NRG1: variants seen among roughly 807,000 people sequenced by gnomAD.
The protein encoded by NRG1 is neuregulin 1.
Under a neutral mutation model 63.8 loss-of-function variants are expected in NRG1, and 18 were observed. That is an observed-to-expected ratio of 0.28 (90% CI 0.19 to 0.42). The LOEUF (loss-of-function observed/expected upper bound fraction) is 0.42, where lower values mean the gene tolerates loss of function less well. NRG1 is among the 10% of genes least tolerant of loss of function. The pLI is 1.00. For missense variants in NRG1, 762 were observed against 814.7 expected (o/e 0.94, Z 0.79); for synonymous variants, 302 against 301.3 (o/e 1.00, Z -0.02).
In NRG1 at chr8:31,657,474, T is replaced by A. The variant is rs1011376625; in HGVS notation, c.37+18043T>A. On this transcript the variant is annotated intron_variant, in intron 1 of 10. Transcript: ENST00000519301. ...TTGTAAAATGGGTTGCATATTATAG[T>A]GTGCAAATTCCTGGACTAGACTTCC... is the stretch of plus-strand genomic sequence containing the variant. Among the ~76,000 whole-genome samples the A allele has an allele frequency of 2.0e-5, 3 of 152,172 alleles. No individual in the cohort carries two copies. In the East Asian group the frequency reaches 5.8e-4, roughly 29 times the overall value.
At chr8:31,733,099 A>G (rs1301144505) in intron 1 of NRG1, among the ~76,000 whole-genome samples, 2 of 151,142 alleles carry the variant, frequency 1.3e-5, no homozygotes, top group Non-Finnish European at 2.9e-5. Context: ...AATTAAGACA[A>G]TGGCCTCCAG....
chr8:32,271,740 TG>T (rs1851571955), intron 1 of NRG1, among the ~76,000 whole-genome samples: 1 of 152,144 alleles, frequency 6.6e-6, no homozygotes, highest in Admixed American at 6.6e-5. Context: ...CACCTTGAGC[TG>T]GGGAACTGGT....
At chr8:31,726,622 G>C (rs1813471320) in intron 1 of NRG1, among the ~76,000 whole-genome samples, 1 of 152,092 alleles carries the variant, frequency 6.6e-6, no homozygotes, top group Non-Finnish European at 1.5e-5. Context: ...GATTTATTGG[G>C]GAGTGCTAGA....
At chr8:32,175,066 G>A (rs1195884699) in intron 1 of NRG1, among the ~76,000 whole-genome samples, 6 of 152,198 alleles carry the variant, frequency 3.9e-5, no homozygotes, top group East Asian at 3.9e-4. Flanking sequence ...GATGAACATC[G>A]ATGCAAAAAT....
In NRG1 at chr8:32,389,438, A is replaced by G. The variant is rs139112041; in HGVS notation, c.38-206390A>G. Reference sequence around the variant, plus strand: ...AGAAGATATTTAAATATTTGGCTTCAGTGTGATGGCCTCATTTCTACATAC... The same window carrying G: ...AGAAGATATTTAAATATTTGGCTTCGGTGTGATGGCCTCATTTCTACATAC... On this transcript the variant is annotated intron_variant, in intron 1 of 10. Transcript: ENST00000519301. 1.9e-3 allele frequency among the ~76,000 whole-genome samples: 288 copies of G among 152,344 alleles called. 4 individuals are homozygous for G. Among genetic ancestry groups the G allele is most frequent in the African/African-American group, 6.6e-3 (276 of 41,588 alleles).
intron 1 of NRG1, among the ~76,000 whole-genome samples, chr8:32,564,454 C>T (rs1482157302): frequency 6.6e-6 from 1 of 152,140 alleles, no homozygotes; most frequent in Non-Finnish European, 1.5e-5. Flanking sequence ...ATAAGCTAAG[C>T]ATCATTATTT....
chr8:31,698,957 T>C (rs1442466635), intron 1 of NRG1, among the ~76,000 whole-genome samples: 1 of 152,238 alleles, frequency 6.6e-6, no homozygotes, highest in Non-Finnish European at 1.5e-5. Context: ...TTGAATGTCC[T>C]ATAGTCCTCT....
At chr8:32,390,617 A>AAAG (rs71541820) in intron 1 of NRG1, among the ~76,000 whole-genome samples, 3,446 of 150,434 alleles carry the variant, frequency 0.023, 63 homozygotes, top group Non-Finnish European at 0.035. Context: ...AAAAAAAAAA[A>AAAG]AAGAAGAAGA....
chr8:32,605,439 T>C, intron 2 of NRG1, 123 bp from the exon 3 acceptor site: 1 of 1,084,602 alleles, frequency 9.2e-7, no homozygotes, highest in Non-Finnish European at 1.3e-6. Flanking sequence ...GAAGTTGTAT[T>C]TTAACATATG....
chr8:32,410,373 G>T (rs568749971), intron 1 of NRG1, among the ~76,000 whole-genome samples: 80 of 151,720 alleles, frequency 5.3e-4, no homozygotes, highest in African/African-American at 1.9e-3. Context: ...TAGAGACAGG[G>T]TCTCAGCATG....
intron 5 of NRG1, among the ~76,000 whole-genome samples, chr8:32,697,850 A>G (rs1432254772): frequency 1.3e-5 from 2 of 152,174 alleles, no homozygotes; most frequent in Admixed American, 6.5e-5. Context: ...AGAATTAGAA[A>G]AACAAATTTC....
At chr8:31,898,877 A>G (rs1831828442) in intron 1 of NRG1, among the ~76,000 whole-genome samples, 1 of 151,970 alleles carries the variant, frequency 6.6e-6, no homozygotes, top group Non-Finnish European at 1.5e-5. Context: ...TTGCATCCAG[A>G]TTCAATTCCT....
chr8:32,292,011 G>A (rs1854263096), intron 1 of NRG1, among the ~76,000 whole-genome samples: 1 of 152,104 alleles, frequency 6.6e-6, no homozygotes, highest in African/African-American at 2.4e-5. Context: ...GGTATCCTCT[G>A]TTGCAAGATG....
intron 1 of NRG1, among the ~76,000 whole-genome samples, chr8:32,456,322 G>A (rs543203620): frequency 5.3e-5 from 8 of 152,158 alleles, no homozygotes; most frequent in Admixed American, 2.6e-4. Flanking sequence ...CTGTTTGCTC[G>A]TGTTCTCTTT....
At chr8:31,875,302 C>A (rs570316824) in intron 1 of NRG1, among the ~76,000 whole-genome samples, 63 of 152,178 alleles carry the variant, frequency 4.1e-4, no homozygotes, top group Non-Finnish European at 7.2e-4. Flanking sequence ...TTAATATTGT[C>A]TTCTTAGGAG....
intron 7 of NRG1, among the ~76,000 whole-genome samples, chr8:32,743,741 GACACA>G (rs376668401): frequency 0.13 from 19,142 of 151,514 alleles, 1,533 homozygotes; most frequent in East Asian, 0.36. Flanking sequence ...TTGTGAACTG[GACACA>G]TATAACTTCT....
chr8:32,168,790 A>G (rs1839673397), intron 1 of NRG1, among the ~76,000 whole-genome samples: 1 of 152,068 alleles, frequency 6.6e-6, no homozygotes, highest in Non-Finnish European at 1.5e-5. Flanking sequence ...TTGACCATTC[A>G]TCCCCTTCCT....
intron 1 of NRG1, among the ~76,000 whole-genome samples, chr8:32,514,009 A>G (rs1368356695): frequency 6.6e-6 from 1 of 152,180 alleles, no homozygotes; most frequent in Non-Finnish European, 1.5e-5. Context: ...AGCAATACTA[A>G]CTGAAAATTT....
chr8:32,760,586 G>C, intron 11 of NRG1, 180 bp downstream of exon 11: 38 of 1,411,988 alleles, frequency 2.7e-5, no homozygotes, highest in South Asian at 1.7e-4. Flanking sequence ...TATTTCTTCT[G>C]AGCTTCTCTC....
Sources: allele counts gnomAD v4.1 joint callset (sites outside exome capture counted in the v4.1 genomes callset), GRCh38; gene constraint gnomAD v4.1.1; transcripts MANE v1.5; gene names NCBI Gene and HGNC (gene_info 2026-07-23, HGNC 2026-07-21).